The following VOPP1 variants were observed in gnomAD, a reference collection of about 807,000 sequenced individuals.
VOPP1 encodes VOPP1 WW domain binding protein, also known as WW domain binding protein VOPP1.
Under a neutral mutation model 23.5 loss-of-function variants are expected in VOPP1, and 8 were observed. The observed-to-expected ratio is 0.34, with a 90% CI of 0.20 to 0.61. The LOEUF (loss-of-function observed/expected upper bound fraction) is 0.61. Among genes scored for constraint, VOPP1 ranks in the 20% least tolerant of loss-of-function variants. VOPP1 has a pLI of 0.78. For synonymous variants in VOPP1, 83 were observed against 97.3 expected (o/e 0.85, Z 0.86); for missense variants, 174 against 238.1 (o/e 0.73, Z 1.77).
At chr7:55,571,149 A>G (rs771512592) in intron 1 of VOPP1, among the ~76,000 whole-genome samples, 2 of 152,148 alleles carry the variant, frequency 1.3e-5, no homozygotes, top group African/African-American at 2.4e-5. Flanking sequence ...GCACTCCACA[A>G]AAACATTAAA....
chr7:55,510,424 A>C (rs1794996566), intron 2 of VOPP1, among the ~76,000 whole-genome samples: 1 of 152,166 alleles, frequency 6.6e-6, no homozygotes, highest in African/African-American at 2.4e-5. Context: ...GAGTTTCTTC[A>C]GACACCAAAT....
intron 2 of VOPP1, among the ~76,000 whole-genome samples, chr7:55,513,024 A>G (rs79723681): frequency 0.015 from 2,273 of 152,368 alleles, 65 homozygotes; most frequent in African/African-American, 0.051. Flanking sequence ...TATTCACAGC[A>G]GAGAAATGAA....
chr7:55,538,005 A>G (rs149561097), intron 1 of VOPP1, among the ~76,000 whole-genome samples: 1,671 of 152,206 alleles, frequency 0.011, 11 homozygotes, highest in Middle Eastern at 0.02. Flanking sequence ...GCCCCCATTC[A>G]GCTCACACAC....
At chr7:55,533,227 G>A (rs1796594932) in intron 1 of VOPP1, among the ~76,000 whole-genome samples, 1 of 152,170 alleles carries the variant, frequency 6.6e-6, no homozygotes, top group African/African-American at 2.4e-5. Flanking sequence ...CTCCAGGTCA[G>A]ACCAGTGAGG....
At chr7:55,561,313 C>A (rs562888750) in intron 1 of VOPP1, among the ~76,000 whole-genome samples, 1 of 152,246 alleles carries the variant, frequency 6.6e-6, no homozygotes, top group African/African-American at 2.4e-5. Context: ...CCCCACTCCC[C>A]TTCCAAAGCC....
chr7:55,533,426 C>T (rs1796604071), intron 1 of VOPP1, among the ~76,000 whole-genome samples: 1 of 152,208 alleles, frequency 6.6e-6, no homozygotes, highest in Non-Finnish European at 1.5e-5. Context: ...ATTTAGATTT[C>T]CCTGTGCCAA....
chr7:55,478,624 C>T (rs756272038), intron 4 of VOPP1, among the ~76,000 whole-genome samples: 5 of 152,232 alleles, frequency 3.3e-5, no homozygotes, highest in East Asian at 3.9e-4. Context: ...GAGAACTGAC[C>T]GGATGTTGGG....
chr7:55,516,278 G>A (rs1795403995), intron 2 of VOPP1, among the ~76,000 whole-genome samples: 1 of 152,198 alleles, frequency 6.6e-6, no homozygotes, highest in African/African-American at 2.4e-5. Context: ...TTGCTTTTCT[G>A]TTCAGATCCC....
At chr7:55,484,826 G>T (rs1206451695) in intron 4 of VOPP1, among the ~76,000 whole-genome samples, 1 of 152,078 alleles carries the variant, frequency 6.6e-6, no homozygotes, top group African/African-American at 2.4e-5. Context: ...CCGACTTCTG[G>T]CCTCTAGAAC....
rs2129019467 is a variant in VOPP1, at chr7:55,492,287, C to A, written c.323G>T (p.Gly108Val). The stretch of plus-strand genomic sequence containing the variant: ...CAAGGACAGGGCTGGCTGACCTGGG[C>A]CGGGATTTGGGGGCTGCCTGGTGTA... ...VSYTRQPPNP[G>V]PGAQQPGPPY... Residue 108 changes from glycine to valine, a missense_variant, in exon 4 of 5, where the codon GGC (glycine) becomes GTC (valine). Physicochemically the swap from Gly to Val is moderately radical, Grantham distance 109. Transcript: ENST00000285279. 1 of 1,609,538 alleles carries A rather than the reference C, an allele frequency of 6.2e-7. No homozygotes were observed. Among genetic ancestry groups the A allele is most frequent in the East Asian group, 2.2e-5 (1 of 44,728 alleles).
At chr7:55,475,279 G>A (rs1019059972) in intron 4 of VOPP1, among the ~76,000 whole-genome samples, 1 of 152,176 alleles carries the variant, frequency 6.6e-6, no homozygotes, top group Admixed American at 6.5e-5. Flanking sequence ...TGGTGCACAG[G>A]AAGGCACCCG....
At chr7:55,459,540 A>G (rs1044383909) in intron 4 of VOPP1, among the ~76,000 whole-genome samples, 3 of 152,152 alleles carry the variant, frequency 2.0e-5, no homozygotes, top group African/African-American at 7.2e-5. Context: ...TACTGATTCA[A>G]TCTCATTACC....
intron 2 of VOPP1, among the ~76,000 whole-genome samples, chr7:55,507,574 C>T (rs940449256): frequency 6.6e-6 from 1 of 152,208 alleles, no homozygotes; most frequent in Non-Finnish European, 1.5e-5. Context: ...GAGAAAATAA[C>T]ATTTTTAATA....
intron 2 of VOPP1, among the ~76,000 whole-genome samples, chr7:55,518,013 T>C (rs1795581966): frequency 6.6e-6 from 1 of 152,312 alleles, no homozygotes; most frequent in East Asian, 1.9e-4. Flanking sequence ...GTCCCTCGCA[T>C]GTGCAGGGAA....
At chr7:55,537,103 G>A (rs528890582) in intron 1 of VOPP1, among the ~76,000 whole-genome samples, 2 of 152,108 alleles carry the variant, frequency 1.3e-5, no homozygotes, top group East Asian at 1.9e-4. Context: ...AAGATCTCTC[G>A]GCCTGACCTG....
In VOPP1 at chr7:55,572,442, G is replaced by A. The variant is rs1042632200; in HGVS notation, c.-118C>T. 6.2e-4 allele frequency: 441 copies of A among 709,258 alleles called. No homozygotes were observed. Among genetic ancestry groups the A allele is most frequent in the Admixed American group, 1.4e-3 (24 of 16,936 alleles). The allele number at this position is 709,258 out of a possible 1,614,324, so 43.9% of individuals were successfully genotyped here. A position where few individuals can be genotyped will look rare whatever the true frequency, so the allele number is the denominator to read the frequency against. On this transcript the variant is annotated 5_prime_UTR_variant, in exon 1 of 5. Coordinates refer to ENST00000285279, the MANE Select transcript of VOPP1 (RefSeq NM_030796.5). ...GCCGGGAGCCGTCCCGCCGACCGCT[G>A]GGGGGCCCGGCTGGGAGCGGGCGGG...
chr7:55,464,693 T>C (rs185031259), intron 4 of VOPP1, among the ~76,000 whole-genome samples: 41 of 152,264 alleles, frequency 2.7e-4, no homozygotes, highest in Non-Finnish European at 5.6e-4. Flanking sequence ...GCCTTCTGGA[T>C]AGATGTCAGT....
chr7:55,523,831 G>A (rs1177946784), intron 1 of VOPP1, among the ~76,000 whole-genome samples: 1 of 152,226 alleles, frequency 6.6e-6, no homozygotes, highest in Non-Finnish European at 1.5e-5. Context: ...TACCCGTGGA[G>A]GGTGGGTGGG....
chr7:55,492,484 C>T, intron 3 of VOPP1, 66 bp from the exon 4 acceptor site: 1 of 1,515,614 alleles, frequency 6.6e-7, no homozygotes, highest in Non-Finnish European at 8.9e-7. Flanking sequence ...GGCCCTACAG[C>T]TCAAAGGCCT....
Sources: allele counts gnomAD v4.1 joint callset (sites outside exome capture counted in the v4.1 genomes callset), GRCh38; gene constraint gnomAD v4.1.1; transcripts MANE v1.5; gene names NCBI Gene and HGNC (gene_info 2026-07-23, HGNC 2026-07-21).